KDM5B: variants seen among roughly 807,000 people sequenced by gnomAD.
KDM5B encodes lysine-specific demethylase 5B.
A neutral mutation model predicts 193.4 loss-of-function variants in KDM5B; 144 were observed. The ratio of observed to expected loss-of-function variants is 0.74; its 90% confidence interval spans 0.65 to 0.86. The LOEUF is 0.86. KDM5B is among the 40% of genes least tolerant of loss of function. The pLI is 0.00. For missense variants in KDM5B, 1,833 were observed against 1,886.9 expected, an observed-to-expected ratio of 0.97 and a Z score of 0.53; for synonymous variants, 668 against 682.6, an observed-to-expected ratio of 0.98 and a Z score of 0.33.
At chr1:202,795,331 C>T (rs978962623) in intron 1 of KDM5B, among the ~76,000 whole-genome samples, 1 of 151,928 alleles carries the variant, frequency 6.6e-6, no homozygotes, top group African/African-American at 2.4e-5. Flanking sequence ...AAATTCTATC[C>T]GTGGTTTTCC....
rs761912360 is a variant in KDM5B, at chr1:202,729,043, C to T, written c.4628G>A (p.Arg1543Gln). 6.2e-5 allele frequency: 100 copies of T among 1,613,834 alleles called. No individual in the cohort carries two copies. The highest frequency in any genetic ancestry group is 4.2e-4 in the East Asian group (19 of 44,894). ...VRCTVKDAPS[R>Q]K ...GTATCTGTTTTTGTGTTTTTACTTTCGGCTTGGTGCGTCCTTCACAGTACA... is the reference window on the plus strand; with the variant it reads ...GTATCTGTTTTTGTGTTTTTACTTTTGGCTTGGTGCGTCCTTCACAGTACA... Residue 1543 changes from arginine (R) to glutamine (Q), a missense_variant, in exon 27 of 27, where the codon CGA becomes CAA. By Grantham distance (43) the Arg-to-Gln change is conservative. This residue lies in a region of KDM5B where 1,379 missense variants were observed against 1,349.6 expected (regional missense o/e 1.02). Coordinates refer to ENST00000367265, the MANE Select transcript of KDM5B (RefSeq NM_006618.5).
chr1:202,792,095 G>A (rs1012629116), intron 1 of KDM5B, among the ~76,000 whole-genome samples: 1 of 152,148 alleles, frequency 6.6e-6, no homozygotes, highest in Non-Finnish European at 1.5e-5. Context: ...TCATTCAACA[G>A]AGCTGATAAA....
At position 202,808,257 on chromosome 1, in the gene KDM5B, G is replaced by C; in HGVS notation, c.49C>G (p.Leu17Val). 1 of 1,610,418 alleles carries C rather than the reference G, an allele frequency of 6.2e-7. No individual in the cohort carries two copies. The highest frequency in any genetic ancestry group is 8.5e-7 in the Non-Finnish European group (1 of 1,178,800). Residue 17 changes from leucine (L) to valine (V), a missense_variant, in exon 1 of 27, where the codon CTC becomes GTC. Around this residue, in one of 3 missense-constraint regions of KDM5B, gnomAD observed 355 missense variants for 374.9 expected, o/e 0.95. Coordinates refer to ENST00000367265, the MANE Select transcript of KDM5B (RefSeq NM_006618.5). Reference protein sequence around the residue: ...LHPGPRPALPLGGPGPLGEFL... With the variant: ...LHPGPRPALPVGGPGPLGEFL... ...TCGCCCAGCGGGCCCGGGCCCCCGA[G>C]GGGCAGCGCCGGGCGCGGGCCTGGG...
intron 2 of KDM5B, 27 bp from the exon 3 acceptor site, chr1:202,774,762 T>C (rs369751033): frequency 2.5e-6 from 4 of 1,607,044 alleles, no homozygotes; most frequent in Admixed American, 1.7e-5. Flanking sequence ...TGAGTTTTCA[T>C]CTCATTTAGC....
At chr1:202,761,212 A>G (rs926114662) in intron 7 of KDM5B, among the ~76,000 whole-genome samples, 6 of 152,142 alleles carry the variant, frequency 3.9e-5, no homozygotes, top group African/African-American at 1.2e-4. Context: ...GGGCCCTGGC[A>G]GGACTGCTTG....
chr1:202,733,214 A>C (rs1654957301), intron 23 of KDM5B, among the ~76,000 whole-genome samples, 187 bp downstream of exon 23: 1 of 152,182 alleles, frequency 6.6e-6, no homozygotes, highest in African/African-American at 2.4e-5. Context: ...TTCTAATAGG[A>C]GCAGAGGAAA....
At position 202,729,076 on chromosome 1, in the gene KDM5B, CAGATGT is replaced by C; in HGVS notation, c.4589_4594del (p.Tyr1530_Ile1531del). On this transcript the variant is annotated inframe_deletion, in exon 27 of 27. Transcript: ENST00000367265. ...TGCGTCCTTCACAGTACAGCGCACA[CAGATGT>C]AGTCTTCTTTCTCTGCCATCTCTGG... The C allele has an allele frequency of 6.2e-7, 1 of 1,614,094 alleles. No homozygotes were observed. Among genetic ancestry groups the C allele is most frequent in the Non-Finnish European group, 8.5e-7 (1 of 1,179,990 alleles).
chr1:202,757,010 T>C (rs989129899), intron 9 of KDM5B, among the ~76,000 whole-genome samples: 9 of 151,980 alleles, frequency 5.9e-5, no homozygotes, highest in Non-Finnish European at 1.3e-4. Flanking sequence ...GTCGCCAGTG[T>C]CCCTGTGTTT....
chr1:202,746,880 G>C (rs1655581674), intron 14 of KDM5B, among the ~76,000 whole-genome samples: 1 of 152,156 alleles, frequency 6.6e-6, no homozygotes, highest in Non-Finnish European at 1.5e-5. Context: ...TTGTGCAATA[G>C]CAAAGACTAA....
chr1:202,796,330 G>A (rs1657844748), intron 1 of KDM5B: 1 of 371,496 alleles, frequency 2.7e-6, no homozygotes, highest in Non-Finnish European at 5.4e-6. Flanking sequence ...CAGCTTCACT[G>A]GCACCTTGGA....
chr1:202,786,923 A>G (rs1188717212), intron 1 of KDM5B, among the ~76,000 whole-genome samples: 1 of 152,132 alleles, frequency 6.6e-6, no homozygotes, highest in Admixed American at 6.6e-5. Context: ...AGCCTGACCA[A>G]CATGGAGAAA....
At chr1:202,781,825 T>C (rs1450972483) in intron 1 of KDM5B, among the ~76,000 whole-genome samples, 1 of 152,200 alleles carries the variant, frequency 6.6e-6, no homozygotes, top group East Asian at 1.9e-4. Flanking sequence ...TTAACATACT[T>C]TCAAAATGGC....
chr1:202,767,446 G>A, intron 4 of KDM5B: 1 of 1,257,276 alleles, frequency 8.0e-7, no homozygotes, highest in Non-Finnish European at 1.2e-6. Flanking sequence ...TCTGCGAAAG[G>A]TGCAGAGACC....
rs751261226 is a variant in KDM5B, at chr1:202,774,648, C to A, written c.370G>T (p.Glu124Ter). 6.2e-7 allele frequency: 1 copy of A among 1,612,860 alleles called. No individual in the cohort carries two copies. The change falls in exon 3 of 27, where the codon GAG (glutamate) becomes TAG (stop). Residue 124 changes from glutamate (E) to a stop codon, truncating the protein, a stop_gained. Coordinates refer to ENST00000367265, the MANE Select transcript of KDM5B (RefSeq NM_006618.5). LOFTEE classifies it high-confidence loss of function. ...QGSTLKIPHV[E>*]RKILDLFQLN... The stretch of plus-strand genomic sequence containing the variant: ...TGAAATAAGTCCAAGATCTTCCTCT[C>A]CACATGTGGAATTTTCAGAGTACTT...
chr1:202,806,837 G>C (rs1658313196), intron 1 of KDM5B: 1 of 152,210 alleles, frequency 6.6e-6, no homozygotes, highest in Non-Finnish European at 1.5e-5. Context: ...GAAGAGAGTG[G>C]GGAGAAGATT....
At chr1:202,731,968 A>T (rs1381275172) in intron 23 of KDM5B, 29 bp from the exon 24 acceptor site, 1 of 1,483,586 alleles carries the variant, frequency 6.7e-7, no homozygotes, top group Admixed American at 1.8e-5. Context: ...TTTATAATAA[A>T]ATCTCTTCAG....
At position 202,756,287 on chromosome 1, in the gene KDM5B, ATAAG is replaced by A. The variant is rs1304849414; in HGVS notation, c.1356+67_1356+70del. ...AATTAAGGATTTGCTAAAAGTAATC[ATAAG>A]TTACTTCAAGCCAACCAAACAGAAT... On this transcript the variant is annotated intron_variant, in intron 10 of 26. Transcript: ENST00000367265. 7 of 1,274,242 alleles carry A rather than the reference ATAAG, an allele frequency of 5.5e-6. No individual in the cohort carries two copies. In the South Asian group the frequency reaches 9.1e-5, roughly 17 times the overall value. The allele number at this position is 1,274,242 out of a possible 1,614,324, so 78.9% of individuals were successfully genotyped here. A position where few individuals can be genotyped will look rare whatever the true frequency, so the allele number is the denominator to read the frequency against.
At chr1:202,785,726 A>G (rs1221255989) in intron 1 of KDM5B, among the ~76,000 whole-genome samples, 1 of 152,158 alleles carries the variant, frequency 6.6e-6, no homozygotes, top group Non-Finnish European at 1.5e-5. Flanking sequence ...CCTGGCCAAC[A>G]TGGCAAAACC....
intron 2 of KDM5B, 63 bp downstream of exon 2, chr1:202,776,954 G>GT (rs1558507985): frequency 5.9e-6 from 6 of 1,014,272 alleles, no homozygotes; most frequent in Non-Finnish European, 9.3e-6. Context: ...TTAATATATC[G>GT]TAATAATTTC....
Sources: allele counts gnomAD v4.1 joint callset (sites outside exome capture counted in the v4.1 genomes callset), GRCh38; gene constraint gnomAD v4.1.1; regional missense constraint gnomAD v4.1.1; transcripts MANE v1.5; gene names NCBI Gene and HGNC (gene_info 2026-07-23, HGNC 2026-07-21).